Variants in QTMAN observed in about 807,000 individuals in gnomAD.
QTMAN encodes the protein queuosine-tRNA mannosyltransferase.
chr2:144,151,756 T>A, the QTMAN span, among the ~76,000 whole-genome samples: 6 of 152,264 alleles, frequency 3.9e-5, no homozygotes, highest in Admixed American at 3.9e-4. Flanking sequence ...GGTTTCAACA[T>A]ATTTTTTAAT....
the QTMAN span, among the ~76,000 whole-genome samples, chr2:144,013,548 G>A: frequency 7.2e-5 from 11 of 152,242 alleles, no homozygotes; most frequent in African/African-American, 2.4e-4. Context: ...ACAAAAGGAC[G>A]TCTAAAAGAA....
chr2:144,259,147 C>T, the QTMAN span, among the ~76,000 whole-genome samples: 1 of 152,024 alleles, frequency 6.6e-6, no homozygotes, highest in Non-Finnish European at 1.5e-5. Context: ...AGCAACTAGA[C>T]CTCTTGCTTT....
the QTMAN span, among the ~76,000 whole-genome samples, chr2:144,138,800 AG>A: frequency 1.3e-5 from 2 of 152,128 alleles, no homozygotes; most frequent in African/African-American, 4.8e-5. Context: ...TTCTAAAAAA[AG>A]GAGAAGGCAT....
the QTMAN span, among the ~76,000 whole-genome samples, chr2:144,026,235 A>G: frequency 6.6e-6 from 1 of 152,072 alleles, no homozygotes; most frequent in Non-Finnish European, 1.5e-5. Context: ...GGAGTTTGAG[A>G]CCAGCCTGGC....
the QTMAN span, among the ~76,000 whole-genome samples, chr2:144,158,132 T>A: frequency 6.6e-6 from 1 of 152,000 alleles, no homozygotes; most frequent in Non-Finnish European, 1.5e-5. Flanking sequence ...TTCTAGTAAC[T>A]TTTTTATAAC....
At chr2:143,947,864 A>AGAAG in the QTMAN span, among the ~76,000 whole-genome samples, 1 of 151,822 alleles carries the variant, frequency 6.6e-6, no homozygotes, top group South Asian at 2.1e-4. Context: ...GAGGAGGTGA[A>AGAAG]GAAGGAAGGA....
the QTMAN span, among the ~76,000 whole-genome samples, chr2:144,131,818 C>T: frequency 2.0e-4 from 31 of 151,938 alleles, 2 homozygotes; most frequent in South Asian, 6.2e-3. Flanking sequence ...GCAAGCTTAA[C>T]CTTCTGAACC....
chr2:144,124,571 C>T, the QTMAN span, among the ~76,000 whole-genome samples: 1 of 152,026 alleles, frequency 6.6e-6, no homozygotes, highest in East Asian at 1.9e-4. Flanking sequence ...AACTGAAGAG[C>T]CATGGAGAAG....
the QTMAN span, among the ~76,000 whole-genome samples, chr2:144,227,078 T>A: frequency 2.0e-5 from 3 of 152,126 alleles, no homozygotes; most frequent in African/African-American, 7.2e-5. Flanking sequence ...ACATATATAC[T>A]CAAATGTCAA....
At chr2:143,998,510 A>G in the QTMAN span, among the ~76,000 whole-genome samples, 1 of 144,034 alleles carries the variant, frequency 6.9e-6, no homozygotes, top group Non-Finnish European at 1.5e-5. Context: ...CTGACCGAGT[A>G]AAAAAAAAAA....
At chr2:144,158,816 G>C in the QTMAN span, among the ~76,000 whole-genome samples, 3 of 152,012 alleles carry the variant, frequency 2.0e-5, no homozygotes, top group African/African-American at 7.2e-5. Context: ...GTGCATTACT[G>C]TAATGATGAT....
At chr2:144,021,439 C>G in the QTMAN span, among the ~76,000 whole-genome samples, 1 of 151,988 alleles carries the variant, frequency 6.6e-6, no homozygotes, top group Non-Finnish European at 1.5e-5. Context: ...GGATGTGCTC[C>G]CTATAAGAAA....
the QTMAN span, among the ~76,000 whole-genome samples, chr2:144,080,888 A>T: frequency 6.6e-6 from 1 of 152,180 alleles, no homozygotes; most frequent in Non-Finnish European, 1.5e-5. Flanking sequence ...CCTCTTTTTC[A>T]AAAATAATTT....
chr2:143,952,231 A>G, the QTMAN span, among the ~76,000 whole-genome samples: 1 of 151,722 alleles, frequency 6.6e-6, no homozygotes, highest in South Asian at 2.1e-4. Context: ...GCTCACAAGG[A>G]TGTTTAATGC....
the QTMAN span, among the ~76,000 whole-genome samples, chr2:143,947,513 G>C: frequency 8.5e-5 from 13 of 152,128 alleles, no homozygotes; most frequent in South Asian, 2.7e-3. Flanking sequence ...TTTCTGCCGT[G>C]AATTTTACTT....
At chr2:144,212,233 T>C in the QTMAN span, among the ~76,000 whole-genome samples, 3 of 152,120 alleles carry the variant, frequency 2.0e-5, no homozygotes, top group Admixed American at 1.3e-4. Flanking sequence ...GAGGTTGAGG[T>C]AGGTGGATCA....
At chr2:144,152,634 T>C in the QTMAN span, among the ~76,000 whole-genome samples, 3 of 152,212 alleles carry the variant, frequency 2.0e-5, no homozygotes, top group Non-Finnish European at 4.4e-5. Flanking sequence ...GGACTGGAGT[T>C]CATTATTAAG....
chr2:143,969,383 A>C, the QTMAN span, among the ~76,000 whole-genome samples: 1 of 152,216 alleles, frequency 6.6e-6, no homozygotes. Flanking sequence ...TCTTGAGAGC[A>C]GGGAGTTTGC....
At chr2:144,332,127 A>G in the QTMAN span, among the ~76,000 whole-genome samples, 23 of 152,268 alleles carry the variant, frequency 1.5e-4, no homozygotes, top group East Asian at 4.4e-3. Flanking sequence ...TGTAGGCACC[A>G]AAAAAACGCA....
Sources: allele counts gnomAD v4.1 joint callset (sites outside exome capture counted in the v4.1 genomes callset), GRCh38; gene constraint gnomAD v4.1.1; transcripts MANE v1.5; gene names NCBI Gene and HGNC (gene_info 2026-07-23, HGNC 2026-07-21).